Variants in SYNPO observed in about 807,000 individuals in gnomAD.
SYNPO encodes the protein synaptopodin.
In SYNPO, 19 loss-of-function variants were observed where a neutral mutation model predicts 49.5. The ratio of observed to expected loss-of-function variants is 0.38; its 90% CI spans 0.27 to 0.56. The LOEUF (loss-of-function observed/expected upper bound fraction) is 0.56, where lower values mean the gene tolerates loss of function less well. SYNPO is among the 20% of genes least tolerant of loss of function. The pLI is 0.68. For missense variants in SYNPO, 1,131 were observed against 1,248.3 expected, an observed-to-expected ratio of 0.91 and a Z score of 1.42; for synonymous variants, 536 against 548.0, an observed-to-expected ratio of 0.98 and a Z score of 0.31.
upstream of SYNPO, among the ~76,000 whole-genome samples, chr5:150,596,763 G>A (rs1406955101): frequency 6.6e-6 from 1 of 152,110 alleles, no homozygotes; most frequent in Non-Finnish European, 1.5e-5. Context: ...GCAAGGGTAG[G>A]GGACCCAGAA....
At chr5:150,628,242 G>C (rs1350056385) in intron 2 of SYNPO, among the ~76,000 whole-genome samples, 2 of 152,236 alleles carry the variant, frequency 1.3e-5, no homozygotes, top group East Asian at 3.9e-4. Context: ...AATTCCACCA[G>C]CCTAGCTTCA....
At chr5:150,640,353 G>C (rs991440645), upstream of SYNPO, among the ~76,000 whole-genome samples, 2 of 152,174 alleles carry the variant, frequency 1.3e-5, no homozygotes, top group African/African-American at 4.8e-5. Context: ...TTGCAGGCAG[G>C]AATTCATTGG....
chr5:150,611,877 C>T (rs1037473935), intron 1 of SYNPO, among the ~76,000 whole-genome samples: 9 of 152,236 alleles, frequency 5.9e-5, no homozygotes, highest in African/African-American at 2.2e-4. Context: ...CTCCCACTAA[C>T]CACTTTGCTC....
At chr5:150,653,301 C>G (rs1382951270) in intron 2 of SYNPO, 1 of 152,242 alleles carries the variant, frequency 6.6e-6, no homozygotes, top group Admixed American at 6.5e-5. Flanking sequence ...TGATGGGGAT[C>G]TGCTTACCAC....
intron 2 of SYNPO, among the ~76,000 whole-genome samples, chr5:150,634,542 G>A (rs556909389): frequency 1.3e-5 from 2 of 152,096 alleles, no homozygotes; most frequent in Non-Finnish European, 2.9e-5. Context: ...CATTTGACTG[G>A]GCACAGTGGC....
At chr5:150,641,167 G>A (rs1335827866) in intron 1 of SYNPO, among the ~76,000 whole-genome samples, 3 of 152,248 alleles carry the variant, frequency 2.0e-5, no homozygotes, top group Non-Finnish European at 4.4e-5. Context: ...GAATTCTCCA[G>A]GGCATGGAGC....
intron 2 of SYNPO, among the ~76,000 whole-genome samples, chr5:150,631,700 T>C (rs1157361945): frequency 2.0e-5 from 3 of 152,080 alleles, no homozygotes; most frequent in Admixed American, 6.5e-5. Flanking sequence ...TCCACCCTGA[T>C]AGTGCTATCG....
chr5:150,638,341 C>T (rs1581494151), upstream of SYNPO, among the ~76,000 whole-genome samples: 1 of 152,346 alleles, frequency 6.6e-6, no homozygotes, highest in East Asian at 1.9e-4. Context: ...CTCCTTCCCT[C>T]ACAAACGTGT....
intron 1 of SYNPO, among the ~76,000 whole-genome samples, chr5:150,601,549 A>T (rs1482484884): frequency 6.6e-6 from 1 of 152,086 alleles, no homozygotes; most frequent in Admixed American, 6.5e-5. Context: ...GTGTGAGTGA[A>T]TGAGTTCTGT....
intron 2 of SYNPO, chr5:150,650,988 G>A (rs1268294298): frequency 2.0e-5 from 25 of 1,245,742 alleles, no homozygotes; most frequent in Non-Finnish European, 2.3e-5. Context: ...GCTGTCTGAC[G>A]CTTTTCTTCC....
chr5:150,588,412 G>A, the SYNPO span, among the ~76,000 whole-genome samples: 1 of 152,206 alleles, frequency 6.6e-6, no homozygotes, highest in Non-Finnish European at 1.5e-5. Context: ...CTGGGGGTGT[G>A]TCTGCCAGGG....
chr5:150,656,058 C>A lies in SYNPO; in HGVS notation c.2029-346C>A, dbSNP rs148978493. ...CATCAGTTATCTCATTTAACCCTCA[C>A]AACAACCCTATAAGGTTAAGTACTG... On this transcript the variant is annotated intron_variant, in intron 2 of 2. Transcript: ENST00000307662. 1.3e-3 allele frequency among the ~76,000 whole-genome samples: 191 copies of A among 152,372 alleles called. 2 individuals carry two copies. In the East Asian group the frequency reaches 0.036, roughly 29 times the overall value.
chr5:150,632,922 C>T (rs577935762), intron 2 of SYNPO, among the ~76,000 whole-genome samples: 1 of 152,244 alleles, frequency 6.6e-6, no homozygotes, highest in East Asian at 1.9e-4. Flanking sequence ...CCACTATGTG[C>T]AGAGGGGAGG....
rs1487403807 is a variant in SYNPO, at chr5:150,648,125, G to C, written c.-151G>C. ...TGGAGAGCCACGGCCAGAGGGGACA[G>C]AAGCCCAGCCAGGAGTCCCTCAGAG... On this transcript the variant is annotated 5_prime_UTR_variant, in exon 2 of 3. Transcript: ENST00000307662. The surrounding 1 kb of genome is among the most constrained non-coding windows in gnomAD (Gnocchi z 5.0). 2 of 1,552,200 alleles carry C rather than the reference G, an allele frequency of 1.3e-6. No homozygotes were observed. The highest frequency in any genetic ancestry group is 1.7e-6 in the Non-Finnish European group (2 of 1,147,178).
chr5:150,595,911 A>G, the SYNPO span, among the ~76,000 whole-genome samples: 1 of 150,362 alleles, frequency 6.7e-6, no homozygotes, highest in Non-Finnish European at 1.5e-5. Context: ...CGGAGCCAGG[A>G]AGGTATGTGG....
chr5:150,656,374 C>G, intron 2 of SYNPO, 30 bp from the exon 3 acceptor site: 3 of 1,496,462 alleles, frequency 2.0e-6, no homozygotes, highest in Non-Finnish European at 2.7e-6. Flanking sequence ...AGCACTAATG[C>G]CTGCCCCACC....
the SYNPO span, among the ~76,000 whole-genome samples, chr5:150,593,374 C>A: frequency 6.6e-6 from 1 of 152,202 alleles, no homozygotes; most frequent in Non-Finnish European, 1.5e-5. Flanking sequence ...CCTACGCAGT[C>A]CCTTATTTGT....
chr5:150,618,419 C>A, exon 2 of SYNPO: 1 of 1,551,578 alleles, frequency 6.4e-7, no homozygotes, highest in Non-Finnish European at 8.7e-7. Flanking sequence ...CGAAGGGAGG[C>A]CTACCCCCTG....
Position 150,650,105 on chromosome 5 carries a change from T to G in SYNPO, c.1830T>G (p.Ser610=). 2 of 1,613,516 alleles carry G rather than the reference T, an allele frequency of 1.2e-6. No homozygotes were observed. Among genetic ancestry groups the G allele is most frequent in the Non-Finnish European group, 1.7e-6 (2 of 1,179,908 alleles). Residue 610 remains serine (S), a synonymous_variant, in exon 2 of 3, where the codon TCT becomes TCG. Transcript: ENST00000307662. The part of the protein sequence containing the change: ...PNLPKGALPP[S]PALPRPSRSS... ...TGCCCAAGGGGGCTCTCCCTCCATC[T>G]CCTGCCCTGCCTCGGCCCTCGCGCT...
Sources: gnomAD v4.1 joint callset for allele counts (sites outside exome capture counted in the v4.1 genomes callset) on GRCh38, gnomAD v4.1.1 for gene constraint, Gnocchi (gnomAD v3.1) non-coding constraint, MANE v1.5 for transcripts, NCBI Gene and HGNC (gene_info 2026-07-23, HGNC 2026-07-21) for gene names.